IRF7: variants seen among roughly 807,000 people sequenced by gnomAD.
IRF7 encodes the protein interferon regulatory factor-7H.
Under a neutral mutation model 51.3 loss-of-function variants are expected in IRF7, and 67 were observed. The observed-to-expected ratio is 1.31, with a 90% CI of 1.07 to 1.60. The LOEUF (loss-of-function observed/expected upper bound fraction) is 1.60. IRF7 is among the 40% of genes most tolerant of loss of function. The pLI is 0.00. For synonymous variants in IRF7, 427 were observed against 301.3 expected, an observed-to-expected ratio of 1.42 and a Z score of -4.32; for missense variants, 873 against 701.5, an observed-to-expected ratio of 1.24 and a Z score of -2.76.
Position 614,671 on chromosome 11 carries a change from C to A in IRF7, c.394+126G>T, listed in dbSNP as rs962918270. The stretch of plus-strand genomic sequence containing the variant: ...GAGGAGGTGGGGATGTGGCTCTCCA[C>A]CTGTCCTGGGCCTGCTGGCAGCCTC... On this transcript the variant is annotated intron_variant, in intron 4 of 10. Coordinates refer to ENST00000525445, the MANE Select transcript of IRF7 (RefSeq NM_001572.5). 10 of 1,392,346 alleles carry A rather than the reference C, an allele frequency of 7.2e-6. No individual in the cohort carries two copies. In the Admixed American group the frequency reaches 1.3e-4, roughly 19 times the overall value. 86.2% of individuals were successfully genotyped at this position (1,392,346 alleles called of 1,614,324 possible).
chr11:614,869 G>GT lies in IRF7; in HGVS notation c.321_322insA (p.Leu108ThrfsTer4). ...GCCGGGTCCCCCGAGTTATCCCGCA[G>GT]CATCACGAAGCGACGCGTGCTGCGC... On this transcript the variant is annotated frameshift_variant, in exon 4 of 11. Coordinates refer to ENST00000525445, the MANE Select transcript of IRF7 (RefSeq NM_001572.5). LOFTEE classifies it high-confidence loss of function. 12 of 1,576,278 alleles carry GT rather than the reference G, an allele frequency of 7.6e-6. No homozygotes were observed. Among genetic ancestry groups the GT allele is most frequent in the Non-Finnish European group, 1.0e-5 (12 of 1,162,898 alleles).
rs745436895 is a variant in IRF7 at position 612,610 on chromosome 11, G to A, written c.*35C>T. On this transcript the variant is annotated 3_prime_UTR_variant, in exon 11 of 11. Coordinates refer to ENST00000525445, the MANE Select transcript of IRF7 (RefSeq NM_001572.5). Reference sequence around the variant, plus strand: ...GGCCGCGGCCAGCTCTAGGTGGGCTGCTCCAGCTTTCTGGAGTTCTCATTA... The same window carrying A: ...GGCCGCGGCCAGCTCTAGGTGGGCTACTCCAGCTTTCTGGAGTTCTCATTA... 1.2e-6 allele frequency: 2 copies of A among 1,608,388 alleles called. No homozygotes were observed.
At position 613,974 on chromosome 11, in the gene IRF7, G is replaced by A; in HGVS notation, c.743C>T (p.Pro248Leu). The A allele has an allele frequency of 6.2e-7, 1 of 1,606,382 alleles. No individual in the cohort carries two copies. ...ACCTGTCGTTAGTGCCGCGGGCTGG[G>A]GCCCGGGGCTGGGGGTCGTCTCTAC... The part of the protein sequence containing the change: ...WAVETTPSPG[P>L]QPAALTTGEA... Residue 248 changes from proline to leucine, a missense_variant, in exon 7 of 11, where the codon CCC (proline) becomes CTC (leucine). Coordinates refer to ENST00000525445, the MANE Select transcript of IRF7 (RefSeq NM_001572.5).
At position 615,105 on chromosome 11, in the gene IRF7, T is replaced by TGC; in HGVS notation, c.173_174dup (p.Ile59AlafsTer49). The TGC allele has an allele frequency of 1.3e-6, 2 of 1,589,856 alleles. No individual in the cohort carries two copies. The highest frequency in any genetic ancestry group is 1.7e-6 in the Non-Finnish European group (2 of 1,173,902). ...GGGGCTGGGGTCCCCACCTTGAAGA[T>TGC]GCGCGCGTCGGCCTCGCTCAGGTCC... On this transcript the variant is annotated frameshift_variant, in exon 3 of 11. Coordinates refer to ENST00000525445, the MANE Select transcript of IRF7 (RefSeq NM_001572.5). LOFTEE classifies it high-confidence loss of function.
At position 615,635 on chromosome 11, in the gene IRF7, C is replaced by T. The variant is rs1243819351; in HGVS notation, c.-271G>A. On this transcript the variant is annotated 5_prime_UTR_variant, in exon 2 of 11. Transcript: ENST00000525445. Reference sequence around the variant, plus strand: ...CCAGTGTCCAGGCCTGGCGGGAAGGCGCAGGCCGGACCCTGCGGAGACGGG... The same window carrying T: ...CCAGTGTCCAGGCCTGGCGGGAAGGTGCAGGCCGGACCCTGCGGAGACGGG... 1.2e-5 allele frequency: 5 copies of T among 412,274 alleles called. No individual in the cohort carries two copies. The highest frequency in any genetic ancestry group is 2.1e-5 in the Non-Finnish European group (5 of 234,076). The allele number at this position is 412,274 out of a possible 1,614,324, so 25.5% of individuals were successfully genotyped here. A position where few individuals can be genotyped will look rare whatever the true frequency, so the allele number is the denominator to read the frequency against.
rs1346203796 is a variant in IRF7 at position 614,401 on chromosome 11, T to G, written c.454-2A>C. 3.8e-6 allele frequency: 6 copies of G among 1,599,772 alleles called. No homozygotes were observed. Among genetic ancestry groups the G allele is most frequent in the Non-Finnish European group, 5.1e-6 (6 of 1,173,800 alleles). Reference sequence around the variant, plus strand: ...CAGGAATGGCCCTGGGGGCCCACCCTGCAGGGAAAAGTCAGGGTGAACGTA... The same window carrying G: ...CAGGAATGGCCCTGGGGGCCCACCCGGCAGGGAAAAGTCAGGGTGAACGTA... On this transcript the variant is annotated splice_acceptor_variant, in intron 5 of 10. Transcript: ENST00000525445. LOFTEE classifies it high-confidence loss of function.
Position 613,531 on chromosome 11 carries a change from C to A in IRF7, c.912G>T (p.Val304=). The A allele has an allele frequency of 6.4e-7, 1 of 1,570,086 alleles. No homozygotes were observed. Residue 304 remains valine, a synonymous_variant, in exon 9 of 11, where the codon GTG becomes GTT. Coordinates refer to ENST00000525445, the MANE Select transcript of IRF7 (RefSeq NM_001572.5). ...MYKGRTVLQK[V]VGHPSCTFLY... ...GGAACGTGCAGCTCGGGTGTCCCAC[C>A]ACCTTCTGCAGCACCGTGCGGCCCT...
chr11:613,693 G>A (rs550120846), intron 8 of IRF7, 92 bp downstream of exon 8: 3 of 841,410 alleles, frequency 3.6e-6, no homozygotes, highest in East Asian at 3.0e-5. Context: ...GGGGGTGGGC[G>A]GGGACAGGAT....
intron 3 of IRF7, 38 bp from the exon 4 acceptor site, chr11:615,045 G>T: frequency 1.3e-6 from 2 of 1,550,872 alleles, no homozygotes; most frequent in African/African-American, 1.4e-5. Context: ...CGGGCCCGCG[G>T]GGTCCTAGGC....
At position 613,698 on chromosome 11, in the gene IRF7, CAG is replaced by C. The variant is rs1374845392; in HGVS notation, c.847+85_847+86del. The C allele has an allele frequency of 2.7e-5, 22 of 810,150 alleles. 1 individual carries two copies. Among genetic ancestry groups the C allele is most frequent in the Non-Finnish European group, 3.5e-5 (22 of 633,358 alleles). The allele number at this position is 810,150 out of a possible 1,614,324, so 50.2% of individuals were successfully genotyped here. A position where few individuals can be genotyped will look rare whatever the true frequency, so the allele number is the denominator to read the frequency against. The stretch of plus-strand genomic sequence containing the variant: ...TGTGAGTGACGGGGGTGGGCGGGGA[CAG>C]GATGTGAGTGATGGGTGGGCGGGGA... On this transcript the variant is annotated intron_variant, in intron 8 of 10. Coordinates refer to ENST00000525445, the MANE Select transcript of IRF7 (RefSeq NM_001572.5).
At chr11:614,452 A>G (rs774319587) in intron 5 of IRF7, 24 bp downstream of exon 5, 1 of 1,571,398 alleles carries the variant, frequency 6.4e-7, no homozygotes, top group Non-Finnish European at 8.6e-7. Flanking sequence ...TGGCAGGAGG[A>G]GAGGCAGGCA....
In IRF7 at chr11:614,093, A is replaced by G; in HGVS notation, c.680-56T>C. 3 of 1,579,846 alleles carry G rather than the reference A, an allele frequency of 1.9e-6. No homozygotes were observed. The East Asian group carries it at 6.9e-5, about 36-fold the overall frequency. On this transcript the variant is annotated intron_variant, in intron 6 of 10. Coordinates refer to ENST00000525445, the MANE Select transcript of IRF7 (RefSeq NM_001572.5). ...TCCCCTCCTAATTCTCCAGCTCCCCAATCCCCAGCCCCCTTCTAAAGTGTC... is the reference window on the plus strand; with the variant it reads ...TCCCCTCCTAATTCTCCAGCTCCCCGATCCCCAGCCCCCTTCTAAAGTGTC...
At position 612,683 on chromosome 11, in the gene IRF7, TGTC is replaced by T. The variant is rs773911115; in HGVS notation, c.1471_1473del (p.Asp491del). On this transcript the variant is annotated inframe_deletion, in exon 11 of 11. Coordinates refer to ENST00000525445, the MANE Select transcript of IRF7 (RefSeq NM_001572.5). ...TCCAGCTCCATAAGGAAGCACTCGA[TGTC>T]GTCATAGAGGCTGTTGGCGCTGGAC... The T allele has an allele frequency of 1.9e-6, 3 of 1,613,372 alleles. No homozygotes were observed. The highest frequency in any genetic ancestry group is 1.7e-5 in the Admixed American group (1 of 60,026).
At position 615,166 on chromosome 11, in the gene IRF7, G is replaced by A. The variant is rs1216772972; in HGVS notation, c.114C>T (p.Thr38=). 1 of 1,604,396 alleles carries A rather than the reference G, an allele frequency of 6.2e-7. No homozygotes were observed. Residue 38 remains threonine, a synonymous_variant, in exon 3 of 11, where the codon ACC becomes ACT. Transcript: ENST00000525445. ...AGTGCTTCCAGGGCACGCGGAAACA[G>A]GTGCGGGCCTCGTCCAGCCACTGCA... ...EGLQWLDEAR[T]CFRVPWKHFA... is the part of the protein sequence containing the mutation.
Position 613,857 on chromosome 11 carries a change from C to T in IRF7, c.775G>A (p.Ala259Thr), listed in dbSNP as rs544913425. 2.5e-6 allele frequency: 4 copies of T among 1,598,520 alleles called. No homozygotes were observed. Among genetic ancestry groups the T allele is most frequent in the Non-Finnish European group, 3.4e-6 (4 of 1,174,124 alleles). Residue 259 changes from alanine (A) to threonine (T), a missense_variant, in exon 8 of 11, where the codon GCG becomes ACG. Ala to Thr is a moderately conservative substitution (Grantham distance 58). Transcript: ENST00000525445. Reference protein sequence around the residue: ...QPAALTTGEAAAPESPHQAEP... With the variant: ...QPAALTTGEATAPESPHQAEP... ...GCCTGGTGCGGGGACTCTGGGGCCG[C>T]GGCCTCGCCTGCATCCGGAAGGGAA... is the stretch of plus-strand genomic sequence containing the variant.
In IRF7 at chr11:612,680, C is replaced by T. The variant is rs750066562; in HGVS notation, c.1477G>A (p.Glu493Lys). Reference protein sequence around the residue: ...SSANSLYDDIECFLMELEQPA With the variant: ...SSANSLYDDIKCFLMELEQPA ...TGCTCCAGCTCCATAAGGAAGCACT[C>T]GATGTCGTCATAGAGGCTGTTGGCG... The change falls in exon 11 of 11, where the codon GAG becomes AAG. Residue 493 changes from glutamate (E) to lysine (K), a missense_variant. Glu to Lys is a moderately conservative substitution (Grantham distance 56). Coordinates refer to ENST00000525445, the MANE Select transcript of IRF7 (RefSeq NM_001572.5). The T allele has an allele frequency of 4.3e-6, 7 of 1,613,172 alleles. No homozygotes were observed. The highest frequency in any genetic ancestry group is 4.5e-5 in the East Asian group (2 of 44,900).
Position 614,199 on chromosome 11 carries a change from A to G in IRF7, c.654T>C (p.Leu218=). 6.2e-7 allele frequency: 1 copy of G among 1,612,596 alleles called. No individual in the cohort carries two copies. The highest frequency in any genetic ancestry group is 1.1e-5 in the South Asian group (1 of 91,058). Residue 218 remains leucine, a synonymous_variant, in exon 6 of 11, where the codon CTT becomes CTC. Transcript: ENST00000525445. ...TKAPGEGQEG[L]PLTGACAGGP... ...CTCCAGCACAGGCCCCAGTCAGGGG[A>G]AGCCCTTCTTGTCCCTCTCCAGGAG...
At position 613,423 on chromosome 11, in the gene IRF7, C is replaced by T. The variant is rs1186013006; in HGVS notation, c.1020G>A (p.Gln340=). The change falls in exon 9 of 11, where the codon CAG becomes CAA. Residue 340 remains glutamine, a synonymous_variant. Coordinates refer to ENST00000525445, the MANE Select transcript of IRF7 (RefSeq NM_001572.5). ...AFPSPAELPD[Q]KQLRYTEELL... is the part of the protein sequence containing the mutation. The stretch of plus-strand genomic sequence containing the variant: ...GTTCCTCCGTGTAGCGCAGCTGCTT[C>T]TGGTCCGGGAGCTCGGCAGGGCTGG... 1.4e-5 allele frequency: 22 copies of T among 1,567,708 alleles called. No individual in the cohort carries two copies. Among genetic ancestry groups the T allele is most frequent in the Non-Finnish European group, 1.8e-5 (21 of 1,157,126 alleles).
rs1327418695 is a variant in IRF7 at position 612,761 on chromosome 11, G to C, written c.1396C>G (p.Gln466Glu). The change falls in exon 11 of 11, where the codon CAG becomes GAG. Residue 466 changes from glutamine to glutamate, a missense_variant. By Grantham distance (29) the Gln-to-Glu change is conservative. Coordinates refer to ENST00000525445, the MANE Select transcript of IRF7 (RefSeq NM_001572.5). ...TCCAGGGAAGACACACCCTCACGCT[G>C]CGTGCCCTCTAGGTGCACTCGGCAC... is the stretch of plus-strand genomic sequence containing the variant. ...WLCRVHLEGT[Q>E]REGVSSLDSS... 3.7e-6 allele frequency: 6 copies of C among 1,612,034 alleles called. No individual in the cohort carries two copies. Among genetic ancestry groups the C allele is most frequent in the African/African-American group, 1.3e-5 (1 of 74,924 alleles).
Sources: allele counts gnomAD v4.1 joint callset, GRCh38; gene constraint gnomAD v4.1.1; transcripts MANE v1.5; gene names NCBI Gene and HGNC (gene_info 2026-07-23, HGNC 2026-07-21).